Variants in KYAT3 observed in about 807,000 individuals in gnomAD.
The protein encoded by KYAT3 is kynurenine--oxoglutarate transaminase 3.
In KYAT3, 50 loss-of-function variants were observed where a neutral mutation model predicts 59.0. The observed-to-expected ratio is 0.85, with a 90% CI of 0.68 to 1.07. The LOEUF (loss-of-function observed/expected upper bound fraction) is 1.07. KYAT3 is among the 50% of genes least tolerant of loss of function. KYAT3 has a pLI of 0.00. For missense variants in KYAT3, 497 were observed against 533.3 expected, an observed-to-expected ratio of 0.93 and a Z score of 0.67; for synonymous variants, 148 against 177.0, an observed-to-expected ratio of 0.84 and a Z score of 1.30.
chr1:88,978,284 A>T (rs7517036), intron 2 of KYAT3, among the ~76,000 whole-genome samples: 67,498 of 151,784 alleles, frequency 0.44, 15,162 homozygotes, highest in Admixed American at 0.5. Context: ...TCCTGCTATA[A>T]AATTGTGTTG....
At chr1:88,921,676 A>G in the KYAT3 span, among the ~76,000 whole-genome samples, 2 of 151,928 alleles carry the variant, frequency 1.3e-5, no homozygotes, top group East Asian at 3.9e-4. Context: ...GTAGATGTAT[A>G]GAAAAAGGCT....
At chr1:88,975,476 A>G (rs958761140) in intron 2 of KYAT3, among the ~76,000 whole-genome samples, 10 of 152,152 alleles carry the variant, frequency 6.6e-5, no homozygotes, top group Admixed American at 6.5e-4. Context: ...TCTACTGTGC[A>G]TTTTAATTAT....
downstream of KYAT3, among the ~76,000 whole-genome samples, chr1:88,932,426 A>G (rs1223122416): frequency 6.6e-6 from 1 of 152,172 alleles, no homozygotes; most frequent in Non-Finnish European, 1.5e-5. Context: ...TAGACTATTG[A>G]TAGATAGATA....
At chr1:88,960,627 G>C (rs1453650498) in intron 8 of KYAT3, among the ~76,000 whole-genome samples, 1 of 152,170 alleles carries the variant, frequency 6.6e-6, no homozygotes, top group African/African-American at 2.4e-5. Context: ...CAAAGGAAAG[G>C]GAGGTGCGAA....
chr1:88,959,277 T>TAAA (rs774196304), intron 8 of KYAT3, among the ~76,000 whole-genome samples: 2 of 135,676 alleles, frequency 1.5e-5, no homozygotes, highest in South Asian at 2.4e-4. Context: ...CCCTGTCTCT[T>TAAA]AAAAAAAAAA....
chr1:88,982,189 G>A (rs917396486), intron 2 of KYAT3: 5 of 856,902 alleles, frequency 5.8e-6, no homozygotes, highest in Non-Finnish European at 7.0e-6. Context: ...AGAACAGTGA[G>A]ATTTCAGTTA....
chr1:88,949,333 T>C, intron 10 of KYAT3, 56 bp from the exon 11 acceptor site: 1 of 1,252,680 alleles, frequency 8.0e-7, no homozygotes, highest in African/African-American at 1.5e-5. Context: ...TATTTATTGC[T>C]TAGTTTATTG....
At chr1:88,983,280 G>A (rs772479482) in intron 2 of KYAT3, 1 of 1,591,994 alleles carries the variant, frequency 6.3e-7, no homozygotes, top group Non-Finnish European at 8.6e-7. Flanking sequence ...CCACGTGATA[G>A]AGGAGCTCTT....
intron 1 of KYAT3, among the ~76,000 whole-genome samples, chr1:88,989,043 T>C (rs1160341206): frequency 6.6e-6 from 1 of 152,174 alleles, no homozygotes; most frequent in Non-Finnish European, 1.5e-5. Context: ...ATACTGCCAC[T>C]TAGAAGTGGA....
intron 2 of KYAT3, chr1:88,982,718 G>A (rs1221129820): frequency 4.3e-6 from 7 of 1,613,780 alleles, no homozygotes; most frequent in Non-Finnish European, 5.9e-6. Flanking sequence ...ACCTCTTGGT[G>A]CTCCGCGGCT....
chr1:88,992,231 G>T (rs996249977), intron 1 of KYAT3, among the ~76,000 whole-genome samples: 11 of 152,152 alleles, frequency 7.2e-5, no homozygotes, highest in African/African-American at 2.7e-4. Context: ...GCCCGCCTCG[G>T]CCTCCCAAAG....
chr1:88,962,717 T>G (rs943386855), intron 5 of KYAT3, among the ~76,000 whole-genome samples: 1 of 152,194 alleles, frequency 6.6e-6, no homozygotes, highest in Non-Finnish European at 1.5e-5. Context: ...CAGGCTGGTC[T>G]CAAACTCCTA....
intron 9 of KYAT3, among the ~76,000 whole-genome samples, chr1:88,954,495 T>C (rs1186511211): frequency 6.6e-6 from 1 of 152,224 alleles, no homozygotes; most frequent in Non-Finnish European, 1.5e-5. Context: ...GGTATATATT[T>C]AGAACCTGCC....
intron 9 of KYAT3, among the ~76,000 whole-genome samples, chr1:88,954,608 G>C (rs1675826572): frequency 1.3e-5 from 2 of 152,096 alleles, no homozygotes; most frequent in Admixed American, 1.3e-4. Flanking sequence ...ACTTATAAAA[G>C]GGAAAATGAC....
At chr1:88,975,825 A>T (rs1676764952) in intron 2 of KYAT3, among the ~76,000 whole-genome samples, 1 of 151,800 alleles carries the variant, frequency 6.6e-6, no homozygotes, top group Non-Finnish European at 1.5e-5. Context: ...ACCTGAGGTC[A>T]GGAGTTCAAG....
intron 11 of KYAT3, among the ~76,000 whole-genome samples, chr1:88,947,023 T>C (rs1675470064): frequency 6.6e-6 from 1 of 152,200 alleles, no homozygotes; most frequent in South Asian, 2.1e-4. Context: ...CAATTTCCAC[T>C]TCTCTTCCTC....
chr1:88,973,096 C>T (rs1377527715), intron 2 of KYAT3, among the ~76,000 whole-genome samples: 4 of 152,030 alleles, frequency 2.6e-5, no homozygotes, highest in African/African-American at 7.3e-5. Context: ...ATACATAGAC[C>T]CTGTGTGAAG....
At chr1:88,963,017 G>A (rs569845464) in intron 5 of KYAT3, among the ~76,000 whole-genome samples, 12 of 147,490 alleles carry the variant, frequency 8.1e-5, no homozygotes, top group Middle Eastern at 3.5e-3. Context: ...TATTTATTGC[G>A]TCCTCACTAT....
intron 4 of KYAT3, among the ~76,000 whole-genome samples, chr1:88,965,238 A>G (rs562824854): frequency 1.3e-5 from 2 of 152,320 alleles, no homozygotes; most frequent in African/African-American, 4.8e-5. Context: ...TATAATTTCA[A>G]AGTATTTGCT....
Sources: gnomAD v4.1 joint callset for allele counts (sites outside exome capture counted in the v4.1 genomes callset) on GRCh38, gnomAD v4.1.1 for gene constraint, MANE v1.5 for transcripts, NCBI Gene and HGNC (gene_info 2026-07-23, HGNC 2026-07-21) for gene names.